Variants in GALR1 observed in about 807,000 individuals in gnomAD.
GALR1 encodes the protein galanin receptor 1.
A neutral mutation model predicts 17.9 loss-of-function variants in GALR1; 11 were observed. The observed-to-expected ratio is 0.62, with a 90% CI of 0.39 to 1.02. The LOEUF is 1.02. GALR1 is among the 50% of genes least tolerant of loss of function. The pLI, the probability that GALR1 is intolerant of heterozygous loss-of-function variation, is 0.01. For missense variants in GALR1, 441 were observed against 456.9 expected, an observed-to-expected ratio of 0.97 and a Z score of 0.32; for synonymous variants, 206 against 205.7, an observed-to-expected ratio of 1.00 and a Z score of -0.01.
At chr18:77,253,515 G>A (rs1019412515) in intron 1 of GALR1, among the ~76,000 whole-genome samples, 6 of 152,176 alleles carry the variant, frequency 3.9e-5, no homozygotes, top group African/African-American at 1.4e-4. Context: ...CTTCTTACTG[G>A]AAATGACAAA....
Position 77,252,947 on chromosome 18 carries a change from C to T in GALR1, c.666+1733C>T, listed in dbSNP as rs879921061. ...ATCACCACCACCACCACCACCACCA[C>T]CATCACCACCATCACCACCACCATC... On this transcript the variant is annotated intron_variant, in intron 1 of 2. Transcript: ENST00000299727. Among the ~76,000 whole-genome samples the T allele has an allele frequency of 9.3e-3, 531 of 57,190 alleles. 3 individuals are homozygous for T. The highest frequency in any genetic ancestry group is 0.025 in the Middle Eastern group (3 of 122). The allele number at this position is 57,190 out of a possible 152,430, so 37.5% of individuals were successfully genotyped here. A position where few individuals can be genotyped will look rare whatever the true frequency, so the allele number is the denominator to read the frequency against.
Position 77,269,165 on chromosome 18 carries a change from T to C in GALR1, c.*263T>C. ...CAATGCTGTACAGTTTTATTCCTCT[T>C]CAGACATGAAAGGGAACATATATAT... On this transcript the variant is annotated 3_prime_UTR_variant, in exon 3 of 3. Coordinates refer to ENST00000299727, the MANE Select transcript of GALR1 (RefSeq NM_001480.4). The C allele has an allele frequency of 2.5e-6, 1 of 407,338 alleles. No individual in the cohort carries two copies. The highest frequency in any genetic ancestry group is 4.4e-6 in the Non-Finnish European group (1 of 227,948). 25.2% of individuals were successfully genotyped at this position (407,338 alleles called of 1,614,324 possible).
chr18:77,252,920 CCAT>C (rs1568139068), intron 1 of GALR1, among the ~76,000 whole-genome samples: 1,501 of 58,928 alleles, frequency 0.025, 46 homozygotes, highest in Non-Finnish European at 0.04. Context: ...ACCACCACCA[CCAT>C]CACCACCACC....
At chr18:77,265,715 C>T (rs1349784312) in intron 2 of GALR1, among the ~76,000 whole-genome samples, 9 of 152,284 alleles carry the variant, frequency 5.9e-5, no homozygotes, top group East Asian at 5.8e-4. Flanking sequence ...TCTTGACTTC[C>T]GTGCACCTGC....
intron 1 of GALR1, among the ~76,000 whole-genome samples, chr18:77,252,938 C>CCACCACCACCATCACCACCAT (rs1568139115): frequency 4.3e-5 from 2 of 46,556 alleles, no homozygotes; most frequent in African/African-American, 1.3e-4. Context: ...ACCACCACCA[C>CCACCACCACCATCACCACCAT]CACCACCACC....
intron 1 of GALR1, among the ~76,000 whole-genome samples, chr18:77,253,004 C>CCATCACCACCATCACCACCAT (rs1912500829): frequency 2.4e-5 from 2 of 85,030 alleles, no homozygotes; most frequent in Admixed American, 1.1e-4. Flanking sequence ...ACCACCACCA[C>CCATCACCACCATCACCACCAT]CACCACCACC....
intron 2 of GALR1, among the ~76,000 whole-genome samples, chr18:77,256,807 C>T (rs963580282): frequency 2.0e-5 from 3 of 152,084 alleles, no homozygotes; most frequent in African/African-American, 4.8e-5. Context: ...CCCCCAGCCC[C>T]GATTTAAACA....
chr18:77,258,681 A>ATTG (rs1912674318), intron 2 of GALR1, among the ~76,000 whole-genome samples: 1 of 93,024 alleles, frequency 1.1e-5, no homozygotes, highest in Non-Finnish European at 2.3e-5. Context: ...CATGGTGGTG[A>ATTG]TGGTGATGGT....
rs190586688 is a variant in GALR1, at chr18:77,263,392, G to A, written c.733-5193G>A. On this transcript the variant is annotated intron_variant, in intron 2 of 2. Coordinates refer to ENST00000299727, the MANE Select transcript of GALR1 (RefSeq NM_001480.4). ...GATTTTTATACCTGAGTTGTTTGTC[G>A]TGTTTAAATAGATGAGGCATGGTCT... 1.6e-3 allele frequency among the ~76,000 whole-genome samples: 251 copies of A among 152,238 alleles called. 3 individuals carry two copies. Among genetic ancestry groups the A allele is most frequent in the African/African-American group, 5.8e-3 (242 of 41,550 alleles).
intron 1 of GALR1, among the ~76,000 whole-genome samples, chr18:77,255,057 G>A (rs1912555367): frequency 6.6e-6 from 1 of 152,176 alleles, no homozygotes; most frequent in Admixed American, 6.5e-5. Flanking sequence ...TTTGCAATAA[G>A]TTCAATTCGA....
intron 2 of GALR1, among the ~76,000 whole-genome samples, chr18:77,258,909 G>T (rs1200076484): frequency 1.7e-5 from 2 of 120,278 alleles, no homozygotes; most frequent in Non-Finnish European, 3.5e-5. Flanking sequence ...GTGGTGGGCG[G>T]TAGTGGTGGT....
At chr18:77,258,047 G>A (rs891720376) in intron 2 of GALR1, among the ~76,000 whole-genome samples, 1 of 152,192 alleles carries the variant, frequency 6.6e-6, no homozygotes, top group African/African-American at 2.4e-5. Flanking sequence ...GAGAAATTGT[G>A]AAGGTCTCAG....
At chr18:77,258,817 G>T (rs1912693539) in intron 2 of GALR1, among the ~76,000 whole-genome samples, 1 of 141,170 alleles carries the variant, frequency 7.1e-6, no homozygotes, top group Non-Finnish European at 1.5e-5. Context: ...TGGTCATAGT[G>T]GTGGTGGTGC....
chr18:77,252,908 C>CCATCACCACCAT, intron 1 of GALR1, among the ~76,000 whole-genome samples: 1 of 46,350 alleles, frequency 2.2e-5, no homozygotes, highest in South Asian at 6.5e-4. Context: ...ACCACCACCA[C>CCATCACCACCAT]CACCACCACC....
chr18:77,250,929 C>T lies in GALR1; in HGVS notation c.381C>T (p.Ala127=), dbSNP rs201900969. The change falls in exon 1 of 3, where the codon GCC becomes GCT. Residue 127 remains alanine, a synonymous_variant. Coordinates refer to ENST00000299727, the MANE Select transcript of GALR1 (RefSeq NM_001480.4). ...TGCTGGTGAGCATCTTCACCCTGGC[C>T]GCGATGTCCGTGGACCGCTACGTGG... is the stretch of plus-strand genomic sequence containing the variant. ...VSMLVSIFTL[A]AMSVDRYVAI... is the part of the protein sequence containing the mutation. The T allele has an allele frequency of 2.1e-5, 33 of 1,604,832 alleles. No individual in the cohort carries two copies. In the Admixed American group the frequency reaches 4.5e-4, roughly 22 times the overall value.
Position 77,268,584 on chromosome 18 carries a change from G to T in GALR1, c.733-1G>T. ...CTCCTCCTCCTCTTCTTCTTTTCTA[G>T]ACTGCACAGACAGTTCTGGTGGTGG... On this transcript the variant is annotated splice_acceptor_variant, in intron 2 of 2. Transcript: ENST00000299727. LOFTEE classifies it high-confidence loss of function. The T allele has an allele frequency of 1.2e-6, 2 of 1,608,162 alleles. No homozygotes were observed. Among genetic ancestry groups the T allele is most frequent in the Non-Finnish European group, 1.7e-6 (2 of 1,176,292 alleles).
chr18:77,251,574 C>T lies in GALR1; in HGVS notation c.666+360C>T, dbSNP rs549127421. On this transcript the variant is annotated intron_variant, in intron 1 of 2. Transcript: ENST00000299727. ...GGTAGGCGGGCGCTGCCGCATCCTT[C>T]CCGGTACAGCAAACCCCGCTCGGTT... 3.3e-5 allele frequency among the ~76,000 whole-genome samples: 5 copies of T among 152,358 alleles called. No individual in the cohort carries two copies. The East Asian group carries it at 9.7e-4, about 30-fold the overall frequency.
chr18:77,251,771 G>C (rs925819770), intron 1 of GALR1, among the ~76,000 whole-genome samples: 1 of 152,186 alleles, frequency 6.6e-6, no homozygotes. Flanking sequence ...CTCGCGGGGC[G>C]GCCCCTCTCC....
intron 2 of GALR1, among the ~76,000 whole-genome samples, chr18:77,258,806 GTGGTCATAGTGGTGGTGGTGC>G (rs1912691567): frequency 1.4e-5 from 2 of 140,050 alleles, no homozygotes; most frequent in African/African-American, 5.6e-5. Context: ...GATGGTGGTG[GTGGTCATAGTGGTGGTGGTGC>G]TGGTGATGGT....
Sources: allele counts gnomAD v4.1 joint callset (sites outside exome capture counted in the v4.1 genomes callset), GRCh38; gene constraint gnomAD v4.1.1; transcripts MANE v1.5; gene names NCBI Gene and HGNC (gene_info 2026-07-23, HGNC 2026-07-21).